Variants in TASP1 observed in about 807,000 individuals in gnomAD.
TASP1 encodes the protein taspase 1.
Under a neutral mutation model 56.6 loss-of-function variants are expected in TASP1, and 16 were observed. That is an observed-to-expected ratio of 0.28 (90% confidence interval 0.19 to 0.43). The LOEUF is 0.43. Ranked by LOEUF, TASP1 falls within the 20% of genes least tolerant of loss-of-function variation. The pLI is 1.00. For missense variants in TASP1, 393 were observed against 511.6 expected (o/e 0.77, Z 2.24); for synonymous variants, 179 against 184.2 (o/e 0.97, Z 0.23).
rs140405802 is a variant in TASP1, at chr20:13,493,083, A to G, written c.875-9746T>C. Among the ~76,000 whole-genome samples, 172 of 152,316 alleles carry G rather than the reference A, an allele frequency of 1.1e-3. 1 individual carries two copies. The highest frequency in any genetic ancestry group is 3.4e-3 in the Middle Eastern group (1 of 294). Reference sequence around the variant, plus strand: ...AACTGTCTAAATAAGTAGCTCCATAAATAGGAAAGGTTCCAGTTTTATGAA... The same window carrying G: ...AACTGTCTAAATAAGTAGCTCCATAGATAGGAAAGGTTCCAGTTTTATGAA... On this transcript the variant is annotated intron_variant, in intron 10 of 13. Coordinates refer to ENST00000337743, the MANE Select transcript of TASP1 (RefSeq NM_017714.3).
chr20:13,159,155 A>T, the TASP1 span, among the ~76,000 whole-genome samples: 3 of 152,202 alleles, frequency 2.0e-5, no homozygotes, highest in Admixed American at 1.3e-4. Flanking sequence ...TGTTACAGAG[A>T]TTAGCTCTGG....
chr20:13,597,301 G>T (rs1031099910), intron 4 of TASP1, among the ~76,000 whole-genome samples: 10 of 152,136 alleles, frequency 6.6e-5, no homozygotes, highest in African/African-American at 2.2e-4. Flanking sequence ...CTGGCAAACC[G>T]AATCCAGCAG....
At chr20:13,230,555 C>G in the TASP1 span, among the ~76,000 whole-genome samples, 1 of 152,038 alleles carries the variant, frequency 6.6e-6, no homozygotes, top group African/African-American at 2.4e-5. Context: ...TTACCCTTTA[C>G]AAATTTTATG....
intron 11 of TASP1, among the ~76,000 whole-genome samples, chr20:13,439,027 G>C (rs964770986): frequency 2.0e-5 from 3 of 152,302 alleles, no homozygotes; most frequent in Non-Finnish European, 4.4e-5. Flanking sequence ...AGGGGATGTG[G>C]AGAAATAGGA....
the TASP1 span, among the ~76,000 whole-genome samples, chr20:13,195,956 T>C: frequency 6.6e-6 from 1 of 152,286 alleles, no homozygotes; most frequent in African/African-American, 2.4e-5. Context: ...CACGCAATGA[T>C]ACCCAAGTGT....
chr20:13,503,105 T>C (rs2044005116), intron 10 of TASP1, among the ~76,000 whole-genome samples: 2 of 152,102 alleles, frequency 1.3e-5, no homozygotes, highest in Admixed American at 1.3e-4. Flanking sequence ...AATTAAGTAG[T>C]TGAGGAGGTT....
At chr20:13,529,971 G>A (rs1321086236) in intron 9 of TASP1, among the ~76,000 whole-genome samples, 1 of 152,142 alleles carries the variant, frequency 6.6e-6, no homozygotes, top group Non-Finnish European at 1.5e-5. Flanking sequence ...AATATGTGCT[G>A]TATTATAACC....
intron 13 of TASP1, among the ~76,000 whole-genome samples, chr20:13,394,307 C>CAAAAA (rs57418361): frequency 0.013 from 575 of 42,910 alleles, 4 homozygotes; most frequent in Non-Finnish European, 0.02. Context: ...CACTCCCTCT[C>CAAAAA]AAAAAAAAAA....
chr20:13,339,953 C>G, the TASP1 span, among the ~76,000 whole-genome samples: 1 of 152,002 alleles, frequency 6.6e-6, no homozygotes, highest in Non-Finnish European at 1.5e-5. Context: ...GTCTGTTACA[C>G]AAGCATGTCA....
intron 10 of TASP1, among the ~76,000 whole-genome samples, chr20:13,526,253 C>A (rs1482342045): frequency 1.3e-5 from 2 of 152,104 alleles, no homozygotes; most frequent in Non-Finnish European, 2.9e-5. Flanking sequence ...GAAGCCAATT[C>A]TCCTAACATC....
At chr20:13,582,449 C>T (rs2147223888) in intron 5 of TASP1, among the ~76,000 whole-genome samples, 2 of 151,454 alleles carry the variant, frequency 1.3e-5, no homozygotes, top group East Asian at 3.9e-4. Flanking sequence ...TCCAATTCTC[C>T]ATCAAAACTT....
At chr20:13,119,523 T>A in the TASP1 span, among the ~76,000 whole-genome samples, 4 of 152,230 alleles carry the variant, frequency 2.6e-5, no homozygotes, top group Non-Finnish European at 5.9e-5. Context: ...TTAATCGGGA[T>A]GCAGAAAAAG....
chr20:13,524,871 TA>T (rs1326011215), intron 10 of TASP1, among the ~76,000 whole-genome samples: 3 of 152,176 alleles, frequency 2.0e-5, no homozygotes, highest in African/African-American at 7.2e-5. Context: ...TGTGTTGAGT[TA>T]AACTGTTGTT....
At chr20:13,223,437 G>A in the TASP1 span, among the ~76,000 whole-genome samples, 4 of 152,138 alleles carry the variant, frequency 2.6e-5, no homozygotes, top group African/African-American at 9.7e-5. Context: ...TGTTAATATA[G>A]CCTCATTTAC....
intron 10 of TASP1, among the ~76,000 whole-genome samples, chr20:13,507,548 T>C (rs2044176636): frequency 6.6e-6 from 1 of 151,092 alleles, no homozygotes; most frequent in Non-Finnish European, 1.5e-5. Flanking sequence ...AAAACAAAAA[T>C]AAAAGCTATA....
intron 11 of TASP1, among the ~76,000 whole-genome samples, chr20:13,446,188 G>C (rs1262310615): frequency 6.6e-6 from 1 of 152,116 alleles, no homozygotes; most frequent in Non-Finnish European, 1.5e-5. Context: ...ACTCCAGCAA[G>C]TAAGAGAACA....
At chr20:13,142,687 G>A in the TASP1 span, among the ~76,000 whole-genome samples, 6 of 152,218 alleles carry the variant, frequency 3.9e-5, no homozygotes, top group African/African-American at 1.4e-4. Flanking sequence ...CTGAAATCAA[G>A]GTGTCAGCAG....
At position 13,609,652 on chromosome 20, in the gene TASP1, C is replaced by T. The variant is rs574188994; in HGVS notation, c.282+13794G>A. Among the ~76,000 whole-genome samples, 48 of 147,280 alleles carry T rather than the reference C, an allele frequency of 3.3e-4. No individual in the cohort carries two copies. In the South Asian group the frequency reaches 0.01, roughly 31 times the overall value. On this transcript the variant is annotated intron_variant, in intron 4 of 13. Transcript: ENST00000337743. ...GCAGTGAGCTGAGACGGCGCCATTG[C>T]TCCAGCCTGGGCAACAAGCGCAAAA...
the TASP1 span, chr20:13,221,799 T>TGCTGCTGCTGCTGGG: frequency 2.9e-6 from 4 of 1,390,250 alleles, no homozygotes; most frequent in Non-Finnish European, 3.7e-6. Flanking sequence ...GCGGCCGAGC[T>TGCTGCTGCTGCTGGG]GCTGCTGCTG....
Sources: allele counts gnomAD v4.1 joint callset (sites outside exome capture counted in the v4.1 genomes callset), GRCh38; gene constraint gnomAD v4.1.1; transcripts MANE v1.5; gene names NCBI Gene and HGNC (gene_info 2026-07-23, HGNC 2026-07-21).